The following ZFHX3 variants were observed in gnomAD, a reference collection of about 807,000 sequenced individuals.
The protein encoded by ZFHX3 is zinc finger homeobox 3, also known as zinc finger homeobox protein 3.
A neutral mutation model predicts 279.1 loss-of-function variants in ZFHX3; 42 were observed. The ratio of observed to expected loss-of-function variants is 0.15; its 90% CI spans 0.12 to 0.19. ZFHX3 has a LOEUF of 0.19. Among genes scored for constraint, ZFHX3 ranks in the 10% least tolerant of loss-of-function variants. The probability of loss-of-function intolerance (pLI) is 1.00; values close to 1 mark genes in which losing one functional copy is unlikely to be tolerated. For missense variants in ZFHX3, 4,981 were observed against 4,754.0 expected (o/e 1.05, Z -1.40); for synonymous variants, 2,293 against 1,957.8 (o/e 1.17, Z -4.52).
At chr16:73,747,344 C>T (rs975341980) in intron 1 of ZFHX3, among the ~76,000 whole-genome samples, 1 of 152,142 alleles carries the variant, frequency 6.6e-6, no homozygotes, top group Non-Finnish European at 1.5e-5. Flanking sequence ...GATTGTACCA[C>T]TGCACTTAAG....
chr16:73,388,175 G>A (rs1281761465), intron 3 of ZFHX3, among the ~76,000 whole-genome samples: 1 of 152,166 alleles, frequency 6.6e-6, no homozygotes, highest in Non-Finnish European at 1.5e-5. Context: ...CATGGAAACA[G>A]GAAGCAGCAG....
At chr16:73,256,513 A>G (rs1051190800) in intron 5 of ZFHX3, among the ~76,000 whole-genome samples, 3 of 152,166 alleles carry the variant, frequency 2.0e-5, no homozygotes, top group Non-Finnish European at 4.4e-5. Context: ...CTGTTCTACA[A>G]CCTCAGAGAT....
chr16:72,810,874 ATTTT>A (rs893439497), intron 7 of ZFHX3, among the ~76,000 whole-genome samples: 1 of 151,466 alleles, frequency 6.6e-6, no homozygotes, highest in Non-Finnish European at 1.5e-5. Flanking sequence ...TGTCAAAAAA[ATTTT>A]TTTTTCTTTC....
At chr16:73,733,608 G>C (rs1220433749) in intron 1 of ZFHX3, among the ~76,000 whole-genome samples, 4 of 152,120 alleles carry the variant, frequency 2.6e-5, no homozygotes, top group Non-Finnish European at 5.9e-5. Flanking sequence ...TTGGGGATTA[G>C]ATATAGAACT....
chr16:72,795,266 G>T lies in ZFHX3; in HGVS notation c.7416C>A (p.Pro2472=). ...GCAACGAAGGCAGGGACACCAGCTG[G>T]GGGAGCTTCTGCTGGGGAGTGTTGG... ...QKTNTPQQKL[P]QLVSLPSLPQ... The change falls in exon 9 of 10, where the codon CCC becomes CCA. Residue 2472 remains proline, a synonymous_variant. Transcript: ENST00000268489. The T allele has an allele frequency of 6.2e-7, 1 of 1,612,914 alleles. No homozygotes were observed. Among genetic ancestry groups the T allele is most frequent in the South Asian group, 1.1e-5 (1 of 91,042 alleles).
At chr16:72,980,903 A>G (rs976206972) in intron 1 of ZFHX3, among the ~76,000 whole-genome samples, 3 of 152,242 alleles carry the variant, frequency 2.0e-5, no homozygotes, top group African/African-American at 7.2e-5. Flanking sequence ...TCAAGGTGAT[A>G]GAACTATGGA....
chr16:73,245,220 G>A (rs887716839), intron 5 of ZFHX3, among the ~76,000 whole-genome samples: 1 of 152,190 alleles, frequency 6.6e-6, no homozygotes. Context: ...TAAGCTCCTT[G>A]AGGAAAGGAA....
At chr16:73,419,686 C>T (rs1026331528) in intron 3 of ZFHX3, among the ~76,000 whole-genome samples, 1 of 151,890 alleles carries the variant, frequency 6.6e-6, no homozygotes, top group African/African-American at 2.4e-5. Flanking sequence ...TCAAGCCATC[C>T]TCCCACCTGC....
At chr16:72,827,506 C>A (rs1207416047) in intron 5 of ZFHX3, among the ~76,000 whole-genome samples, 1 of 152,176 alleles carries the variant, frequency 6.6e-6, no homozygotes, top group Non-Finnish European at 1.5e-5. Flanking sequence ...CAAATCGTGA[C>A]AACAAAGGAC....
chr16:73,160,467 G>T (rs1314906769), intron 5 of ZFHX3, among the ~76,000 whole-genome samples: 3 of 152,130 alleles, frequency 2.0e-5, no homozygotes, highest in African/African-American at 7.2e-5. Flanking sequence ...CTAAGGATGA[G>T]AACTCCACAC....
intron 5 of ZFHX3, 95 bp from the exon 6 acceptor site, chr16:72,812,133 C>G (rs2036474111): frequency 6.7e-7 from 1 of 1,492,724 alleles, no homozygotes; most frequent in South Asian, 1.4e-5. Context: ...ATTTATAGCA[C>G]AGGATTTTCT....
intron 5 of ZFHX3, among the ~76,000 whole-genome samples, chr16:73,173,726 C>T (rs879923029): frequency 6.6e-6 from 1 of 152,152 alleles, no homozygotes; most frequent in Non-Finnish European, 1.5e-5. Flanking sequence ...GGAAACTCAC[C>T]AGGCTCCGAC....
At chr16:73,576,795 T>C (rs1482149133) in intron 2 of ZFHX3, among the ~76,000 whole-genome samples, 1 of 152,128 alleles carries the variant, frequency 6.6e-6, no homozygotes. Context: ...TCAGGAGGGT[T>C]TGTTGTAAAG....
intron 1 of ZFHX3, among the ~76,000 whole-genome samples, chr16:72,998,377 G>A (rs1963368169): frequency 6.6e-6 from 1 of 152,076 alleles, no homozygotes; most frequent in Non-Finnish European, 1.5e-5. Flanking sequence ...CTCCAGCCTG[G>A]GCAACAGACT....
At chr16:73,428,238 G>T (rs938490065) in intron 3 of ZFHX3, among the ~76,000 whole-genome samples, 2 of 152,024 alleles carry the variant, frequency 1.3e-5, no homozygotes, top group Admixed American at 1.3e-4. Flanking sequence ...CCAGGGTCGG[G>T]GGCACACATG....
chr16:73,225,500 G>A (rs2144924934), intron 5 of ZFHX3, among the ~76,000 whole-genome samples: 1 of 152,266 alleles, frequency 6.6e-6, no homozygotes, highest in South Asian at 2.1e-4. Flanking sequence ...TAAAGTGGGA[G>A]CGTCATTTGA....
intron 4 of ZFHX3, among the ~76,000 whole-genome samples, chr16:73,283,226 C>T (rs373492284): frequency 2.6e-5 from 4 of 152,236 alleles, no homozygotes; most frequent in Admixed American, 2.0e-4. Flanking sequence ...TTACATTTAC[C>T]GATGTTATTC....
chr16:72,999,311 C>A (rs962495953), intron 1 of ZFHX3, among the ~76,000 whole-genome samples: 2 of 152,192 alleles, frequency 1.3e-5, no homozygotes, highest in Non-Finnish European at 2.9e-5. Context: ...GCACATGCCG[C>A]CACACCCGGC....
chr16:73,227,624 GGATT>G (rs2012637304), intron 5 of ZFHX3, among the ~76,000 whole-genome samples: 1 of 151,968 alleles, frequency 6.6e-6, no homozygotes, highest in South Asian at 2.1e-4. Context: ...CGAGGCAGGT[GGATT>G]GATTGAGCTC....
Sources: allele counts gnomAD v4.1 joint callset (sites outside exome capture counted in the v4.1 genomes callset), GRCh38; gene constraint gnomAD v4.1.1; transcripts MANE v1.5; gene names NCBI Gene and HGNC (gene_info 2026-07-23, HGNC 2026-07-21).